The following PPHLN1 variants were observed in gnomAD, a reference collection of about 807,000 sequenced individuals.
PPHLN1 encodes the protein periphilin-1.
PPHLN1 carries 29 observed loss-of-function variants against 51.3 expected under a neutral mutation model. The observed-to-expected ratio is 0.57, with a 90% CI of 0.42 to 0.77. PPHLN1 has a LOEUF of 0.77. Ranked by LOEUF, PPHLN1 falls within the 30% of genes least tolerant of loss-of-function variation. PPHLN1 has a pLI of 0.00. For missense variants in PPHLN1, 436 were observed against 438.4 expected, an observed-to-expected ratio of 0.99 and a Z score of 0.05; for synonymous variants, 147 against 147.8, an observed-to-expected ratio of 0.99 and a Z score of 0.04.
Position 42,393,559 on chromosome 12 carries a change from A to G in PPHLN1, c.649-11A>G, listed in dbSNP as rs374918458. 3.5e-5 allele frequency: 56 copies of G among 1,579,974 alleles called. No individual in the cohort carries two copies. The African/African-American group carries it at 6.2e-4, about 17-fold the overall frequency. On this transcript the variant is annotated splice_polypyrimidine_tract_variant and intron_variant, in intron 7 of 9. Transcript: ENST00000358314. ...TTGAGAATTGTAACAGAAATGTTCT[A>G]TTTTTATTAGGTGTTAGACAAACCC...
At chr12:42,330,514 G>C (rs2069549274) in intron 1 of PPHLN1, among the ~76,000 whole-genome samples, 1 of 152,196 alleles carries the variant, frequency 6.6e-6, no homozygotes, top group Admixed American at 6.5e-5. Flanking sequence ...ATCGAGAATG[G>C]AGAATGGTGA....
At chr12:42,418,989 G>C (rs951976963) in intron 9 of PPHLN1, among the ~76,000 whole-genome samples, 1 of 151,718 alleles carries the variant, frequency 6.6e-6, no homozygotes, top group Non-Finnish European at 1.5e-5. Context: ...TATAATTCCC[G>C]CATTACAAAT....
chr12:42,332,228 G>C (rs2069863550), intron 1 of PPHLN1, among the ~76,000 whole-genome samples: 1 of 152,058 alleles, frequency 6.6e-6, no homozygotes, highest in Admixed American at 6.5e-5. Flanking sequence ...AAAGAAAATT[G>C]CAAGTTTCCA....
downstream of PPHLN1, chr12:42,444,724 T>A (rs1378581289): frequency 3.4e-6 from 1 of 292,652 alleles, no homozygotes; most frequent in Non-Finnish European, 6.4e-6. Flanking sequence ...GACCTTCAGA[T>A]AGCACTCTCT....
downstream of PPHLN1, chr12:42,445,437 C>T (rs1312292193): frequency 2.3e-5 from 7 of 307,066 alleles, 1 homozygote; most frequent in Non-Finnish European, 4.3e-5. Context: ...AGATGTTACA[C>T]ATGTCCCTGA....
chr12:42,438,524 T>C (rs1359588441), intron 9 of PPHLN1, among the ~76,000 whole-genome samples: 1 of 152,244 alleles, frequency 6.6e-6, no homozygotes, highest in Non-Finnish European at 1.5e-5. Flanking sequence ...GCCATCTGAA[T>C]GTCTGCTTTG....
chr12:42,350,003 A>T (rs1322445378), intron 2 of PPHLN1, among the ~76,000 whole-genome samples: 2 of 144,138 alleles, frequency 1.4e-5, no homozygotes, highest in Non-Finnish European at 3.0e-5. Context: ...GGGCCCTCCC[A>T]CCCCCCAGAG....
At position 42,397,725 on chromosome 12, in the gene PPHLN1, T is replaced by TA. The variant is rs796220542; in HGVS notation, c.769-1119dup. On this transcript the variant is annotated intron_variant, in intron 8 of 9. Transcript: ENST00000358314. ...TTAACATATGTAACTCAAACTTCTT[T>TA]AAAAAAAAAACTAGGTTTGTTTGTT... Among the ~76,000 whole-genome samples the TA allele has an allele frequency of 4.8e-3, 725 of 149,716 alleles. 7 individuals carry two copies. The highest frequency in any genetic ancestry group is 0.017 in the African/African-American group (683 of 40,954).
At chr12:42,426,846 A>G (rs1301943405) in intron 9 of PPHLN1, among the ~76,000 whole-genome samples, 1 of 152,164 alleles carries the variant, frequency 6.6e-6, no homozygotes, top group African/African-American at 2.4e-5. Context: ...TCTTCAGAAG[A>G]TAATGCGACC....
At chr12:42,421,450 C>T (rs1439120465) in intron 9 of PPHLN1, among the ~76,000 whole-genome samples, 1 of 152,058 alleles carries the variant, frequency 6.6e-6, no homozygotes, top group Non-Finnish European at 1.5e-5. Context: ...CAGGTTCAAG[C>T]GATTCTCCTG....
At chr12:42,351,402 G>A (rs1263234458) in intron 2 of PPHLN1, 1 of 152,100 alleles carries the variant, frequency 6.6e-6, no homozygotes, top group African/African-American at 2.4e-5. Context: ...CTCCATTACT[G>A]CTGGAAAAAT....
chr12:42,355,013 T>G, intron 3 of PPHLN1, 148 bp from the exon 4 acceptor site: 1 of 675,518 alleles, frequency 1.5e-6, no homozygotes, highest in Non-Finnish European at 2.6e-6. Context: ...TTTCAGTTGT[T>G]GAAATGGATG....
chr12:42,407,069 A>G (rs1008722061), intron 9 of PPHLN1, among the ~76,000 whole-genome samples: 2 of 152,220 alleles, frequency 1.3e-5, no homozygotes, highest in African/African-American at 4.8e-5. Context: ...TCCTGCAACA[A>G]TACTACCCCA....
chr12:42,417,700 A>G (rs1225934897), intron 9 of PPHLN1, among the ~76,000 whole-genome samples: 3 of 135,296 alleles, frequency 2.2e-5, no homozygotes, highest in Non-Finnish European at 3.3e-5. Flanking sequence ...GGTGAAGATG[A>G]TGATTTTATA....
intron 9 of PPHLN1, among the ~76,000 whole-genome samples, chr12:42,439,545 C>T (rs191145941): frequency 6.0e-4 from 91 of 152,326 alleles, no homozygotes; most frequent in Middle Eastern, 3.4e-3. Flanking sequence ...GACAAGGTCT[C>T]GCTCTGTCAC....
chr12:42,446,185 G>A, downstream of PPHLN1: 1 of 1,611,438 alleles, frequency 6.2e-7, no homozygotes, highest in African/African-American at 1.3e-5. Flanking sequence ...TGCTGAAGAA[G>A]ACAACTCAGG....
At chr12:42,352,167 T>C in intron 3 of PPHLN1, 118 bp downstream of exon 3, 1 of 927,976 alleles carries the variant, frequency 1.1e-6, no homozygotes, top group Non-Finnish European at 1.4e-6. Flanking sequence ...TGCTTGATGC[T>C]CTCATGTGAA....
chr12:42,341,232 G>A (rs756112229), intron 2 of PPHLN1, among the ~76,000 whole-genome samples: 5 of 151,972 alleles, frequency 3.3e-5, no homozygotes, highest in Non-Finnish European at 7.4e-5. Flanking sequence ...ATCCGCCTCG[G>A]CCTCCCAAAG....
intron 6 of PPHLN1, among the ~76,000 whole-genome samples, chr12:42,385,809 CCA>C (rs2077144468): frequency 6.6e-6 from 1 of 152,080 alleles, no homozygotes; most frequent in Non-Finnish European, 1.5e-5. Flanking sequence ...GCTAAGTAGG[CCA>C]CAGATATTTG....
Sources: allele counts gnomAD v4.1 joint callset (sites outside exome capture counted in the v4.1 genomes callset), GRCh38; gene constraint gnomAD v4.1.1; transcripts MANE v1.5; gene names NCBI Gene and HGNC (gene_info 2026-07-23, HGNC 2026-07-21).